ACSS3: variants seen among roughly 807,000 people sequenced by gnomAD.
ACSS3 encodes the protein acyl-CoA synthetase short chain family member 3.
ACSS3 carries 64 observed loss-of-function variants against 84.2 expected under a neutral mutation model. The ratio of observed to expected loss-of-function variants is 0.76; its 90% CI spans 0.62 to 0.94. ACSS3 has a LOEUF of 0.94. Among genes scored for constraint, ACSS3 ranks in the 40% least tolerant of loss-of-function variants. The pLI is 0.00. For missense variants in ACSS3, 815 were observed against 867.6 expected (o/e 0.94, Z 0.76); for synonymous variants, 317 against 310.1 (o/e 1.02, Z -0.23).
At chr12:81,220,881 T>C (rs1440828276) in intron 11 of ACSS3, among the ~76,000 whole-genome samples, 2 of 152,050 alleles carry the variant, frequency 1.3e-5, no homozygotes, top group Non-Finnish European at 2.9e-5. Context: ...TTGATGATTA[T>C]AAATAATACC....
At position 81,212,511 on chromosome 12, in the gene ACSS3, T is replaced by C. The variant is rs150639653; in HGVS notation, c.1355-4390T>C. 2.3e-3 allele frequency among the ~76,000 whole-genome samples: 341 copies of C among 149,592 alleles called. 3 individuals carry two copies. The highest frequency in any genetic ancestry group is 8.5e-3 in the African/African-American group (333 of 38,968). On this transcript the variant is annotated intron_variant, in intron 9 of 15. Transcript: ENST00000548058. Reference sequence around the variant, plus strand: ...GTGGTACTTGTCTATTCCATTCTTCTCCTTCTTTGAAAGAACTATGAAAAC... The same window carrying C: ...GTGGTACTTGTCTATTCCATTCTTCCCCTTCTTTGAAAGAACTATGAAAAC...
chr12:81,244,738 A>T (rs1474879549), intron 13 of ACSS3, among the ~76,000 whole-genome samples: 1 of 152,192 alleles, frequency 6.6e-6, no homozygotes, highest in Non-Finnish European at 1.5e-5. Flanking sequence ...TAGAATTTTA[A>T]TCTCTCTGCT....
intron 1 of ACSS3, among the ~76,000 whole-genome samples, chr12:81,094,184 C>CTGTT (rs1651308343): frequency 6.8e-6 from 1 of 146,668 alleles, no homozygotes; most frequent in Non-Finnish European, 1.5e-5. Context: ...GTCTCTCTCT[C>CTGTT]TGTGTGTGTG....
At chr12:81,235,845 C>T (rs2033614834) in intron 13 of ACSS3, among the ~76,000 whole-genome samples, 1 of 151,378 alleles carries the variant, frequency 6.6e-6, no homozygotes, top group Non-Finnish European at 1.5e-5. Flanking sequence ...GTTTAACTTG[C>T]TTGCTAGCTC....
At chr12:81,240,660 A>G (rs12307401) in intron 13 of ACSS3, among the ~76,000 whole-genome samples, 65,180 of 151,456 alleles carry the variant, frequency 0.43, 14,944 homozygotes, top group Non-Finnish European at 0.52. Flanking sequence ...GTTATAATTG[A>G]ACATTTTATA....
chr12:81,196,631 A>G (rs538360827), intron 8 of ACSS3, among the ~76,000 whole-genome samples: 1 of 152,260 alleles, frequency 6.6e-6, no homozygotes, highest in African/African-American at 2.4e-5. Flanking sequence ...TAATTTATAT[A>G]GAAAAGAGAT....
chr12:81,209,340 G>T (rs897158371), intron 9 of ACSS3, among the ~76,000 whole-genome samples: 1 of 149,580 alleles, frequency 6.7e-6, no homozygotes, highest in African/African-American at 2.5e-5. Context: ...TTTTAAAAAG[G>T]TTATATAACA....
In ACSS3 at chr12:81,255,703, A is replaced by G. The variant is rs766376802; in HGVS notation, c.*781A>G. On this transcript the variant is annotated 3_prime_UTR_variant, in exon 16 of 16. Transcript: ENST00000548058. ...GGCGTGGTGGCGGGAGGCTGAGGCA[A>G]GGAGAATCACTTGAATACAAGAGGC... 1.3e-5 allele frequency: 2 copies of G among 152,226 alleles called. No individual in the cohort carries two copies. The highest frequency in any genetic ancestry group is 2.4e-5 in the African/African-American group (1 of 41,434). 9.4% of individuals were successfully genotyped at this position (152,226 alleles called of 1,614,324 possible).
chr12:81,108,005 G>A (rs977087351), intron 1 of ACSS3, among the ~76,000 whole-genome samples: 2 of 152,020 alleles, frequency 1.3e-5, no homozygotes, highest in Non-Finnish European at 2.9e-5. Flanking sequence ...CCCAAATCAA[G>A]AGAGAGAGTC....
At chr12:81,206,358 C>T (rs901708036) in intron 9 of ACSS3, among the ~76,000 whole-genome samples, 1 of 151,946 alleles carries the variant, frequency 6.6e-6, no homozygotes, top group Non-Finnish European at 1.5e-5. Context: ...ACCAGGTTAC[C>T]CAGGAGATAC....
chr12:81,125,320 A>G (rs1312855430), intron 2 of ACSS3, among the ~76,000 whole-genome samples: 1 of 152,238 alleles, frequency 6.6e-6, no homozygotes, highest in Admixed American at 6.5e-5. Flanking sequence ...AATGCCTTTT[A>G]AATTTCCTTA....
chr12:81,243,833 T>C (rs1185879387), intron 13 of ACSS3, among the ~76,000 whole-genome samples: 1 of 152,176 alleles, frequency 6.6e-6, no homozygotes, highest in African/African-American at 2.4e-5. Context: ...TATACACACA[T>C]TGTTGCTATT....
chr12:81,139,014 CAG>C, intron 3 of ACSS3, 115 bp from the exon 4 acceptor site: 1 of 1,116,132 alleles, frequency 9.0e-7, no homozygotes. Context: ...CAATAGAAAA[CAG>C]AAACATTCAG....
Position 81,251,671 on chromosome 12 carries a change from A to AAAAAAG in ACSS3, c.1720-1631_1720-1630insGAAAAA, listed in dbSNP as rs757657317. On this transcript the variant is annotated intron_variant, in intron 13 of 15. Coordinates refer to ENST00000548058, the MANE Select transcript of ACSS3 (RefSeq NM_024560.4). ...ACATGGCGAAACCCCATCTCTACAA[A>AAAAAAG]AAAAAAAAAAAAATACAAAAATTTA... 3.6e-4 allele frequency among the ~76,000 whole-genome samples: 48 copies of AAAAAAG among 134,708 alleles called. 1 individual carries two copies. Among genetic ancestry groups the AAAAAAG allele is most frequent in the African/African-American group, 8.1e-4 (29 of 35,830 alleles). The allele number at this position is 134,708 out of a possible 152,430, so 88.4% of individuals were successfully genotyped here. A position where few individuals can be genotyped will look rare whatever the true frequency, so the allele number is the denominator to read the frequency against.
At chr12:81,149,042 G>A (rs1371312151) in intron 5 of ACSS3, among the ~76,000 whole-genome samples, 4 of 151,960 alleles carry the variant, frequency 2.6e-5, no homozygotes, top group Non-Finnish European at 4.4e-5. Context: ...TCGTGCCACT[G>A]CACTCCAGCC....
chr12:81,106,965 A>G (rs1430983675), intron 1 of ACSS3, among the ~76,000 whole-genome samples: 1 of 144,744 alleles, frequency 6.9e-6, no homozygotes, highest in Non-Finnish European at 1.5e-5. Context: ...AAACAGGAGG[A>G]GGAGCAAGTT....
intron 8 of ACSS3, among the ~76,000 whole-genome samples, chr12:81,181,399 T>C (rs1357284524): frequency 6.6e-6 from 1 of 152,098 alleles, no homozygotes; most frequent in Admixed American, 6.6e-5. Context: ...AGTTTTTCCC[T>C]ATGAAAGTCA....
At chr12:81,233,504 AG>A (rs759441109) in intron 13 of ACSS3, 33 bp downstream of exon 13, 1 of 1,608,228 alleles carries the variant, frequency 6.2e-7, no homozygotes, top group South Asian at 1.1e-5. Flanking sequence ...TATTCCAAGT[AG>A]TGCTTAGGCA....
intron 9 of ACSS3, among the ~76,000 whole-genome samples, chr12:81,212,339 GT>G (rs1166973635): frequency 6.6e-6 from 1 of 152,154 alleles, no homozygotes; most frequent in East Asian, 1.9e-4. Context: ...TTGCTAGTAA[GT>G]GATTTGTACC....
Sources: allele counts gnomAD v4.1 joint callset (sites outside exome capture counted in the v4.1 genomes callset), GRCh38; gene constraint gnomAD v4.1.1; transcripts MANE v1.5; gene names NCBI Gene and HGNC (gene_info 2026-07-23, HGNC 2026-07-21).